ARL15: variants seen among roughly 807,000 people sequenced by gnomAD.
ARL15 encodes ARF like GTPase 15.
ARL15 carries 19 observed loss-of-function variants against 25.2 expected under a neutral mutation model. That is an observed-to-expected ratio of 0.75 (90% CI 0.53 to 1.10). The LOEUF is 1.10. Ranked by LOEUF, ARL15 falls within the 50% of genes least tolerant of loss-of-function variation. The pLI is 0.00. For synonymous variants in ARL15, 94 were observed against 86.8 expected (o/e 1.08, Z -0.46); for missense variants, 220 against 246.0 (o/e 0.89, Z 0.71).
intron 1 of ARL15, among the ~76,000 whole-genome samples, chr5:54,174,614 T>C (rs1754812469): frequency 6.6e-6 from 1 of 152,202 alleles, no homozygotes; most frequent in Non-Finnish European, 1.5e-5. Context: ...CTTCCTTTAG[T>C]TCCAGCACAC....
intron 4 of ARL15, among the ~76,000 whole-genome samples, chr5:54,047,138 G>A (rs948416449): frequency 6.6e-6 from 1 of 152,128 alleles, no homozygotes; most frequent in African/African-American, 2.4e-5. Context: ...TGCTGGTGGG[G>A]ACATGGGAAT....
At chr5:53,887,583 T>C (rs1328689797) in intron 4 of ARL15, among the ~76,000 whole-genome samples, 3 of 152,158 alleles carry the variant, frequency 2.0e-5, no homozygotes, top group Non-Finnish European at 2.9e-5. Context: ...AAAGGTATCA[T>C]AAAACACAAA....
At chr5:53,981,973 A>G (rs1400395782) in intron 4 of ARL15, among the ~76,000 whole-genome samples, 1 of 152,036 alleles carries the variant, frequency 6.6e-6, no homozygotes, top group Non-Finnish European at 1.5e-5. Flanking sequence ...CTTTTCGTAT[A>G]GGCAAGAGGA....
chr5:53,993,046 CA>C (rs111255688), intron 4 of ARL15, among the ~76,000 whole-genome samples: 18 of 138,166 alleles, frequency 1.3e-4, no homozygotes, highest in East Asian at 4.1e-4. Flanking sequence ...AACTCCTTCT[CA>C]AAAAAAAAAA....
In ARL15 at chr5:54,287,490, G is replaced by T. The variant is rs16882585; in HGVS notation, c.48+22942C>A. Among the ~76,000 whole-genome samples the T allele has an allele frequency of 7.8e-3, 1,173 of 150,584 alleles. 12 individuals are homozygous for T. Among genetic ancestry groups the T allele is most frequent in the African/African-American group, 0.027 (1,109 of 40,984 alleles). On this transcript the variant is annotated intron_variant, in intron 1 of 4. Coordinates refer to ENST00000504924, the MANE Select transcript of ARL15 (RefSeq NM_019087.3). ...AGTTCAAAGGAGCACAGAAGAAAAC[G>T]GCATTCCAGATAAAAGTGAAAGCAA...
At chr5:54,268,238 C>T (rs977625996) in intron 1 of ARL15, among the ~76,000 whole-genome samples, 1 of 152,126 alleles carries the variant, frequency 6.6e-6, no homozygotes, top group Non-Finnish European at 1.5e-5. Context: ...CACTGATACC[C>T]TTTCTTCCAG....
chr5:54,208,942 G>C (rs1329513650), intron 1 of ARL15, among the ~76,000 whole-genome samples: 1 of 152,158 alleles, frequency 6.6e-6, no homozygotes, highest in African/African-American at 2.4e-5. Flanking sequence ...AAATTATGAA[G>C]AGGAGATTTA....
intron 1 of ARL15, among the ~76,000 whole-genome samples, chr5:54,185,909 G>T (rs1177401387): frequency 2.6e-5 from 4 of 152,144 alleles, no homozygotes; most frequent in Non-Finnish European, 4.4e-5. Context: ...TTTGGTCAAA[G>T]ATCTGATATG....
chr5:53,986,792 G>A (rs1445240283), intron 4 of ARL15, among the ~76,000 whole-genome samples: 1 of 152,204 alleles, frequency 6.6e-6, no homozygotes, highest in Non-Finnish European at 1.5e-5. Flanking sequence ...AGCTACAATA[G>A]TGAAGAAGCC....
chr5:54,142,481 A>G (rs1753804004), intron 3 of ARL15, among the ~76,000 whole-genome samples: 1 of 152,170 alleles, frequency 6.6e-6, no homozygotes, highest in South Asian at 2.1e-4. Context: ...GTCAGAAAGA[A>G]CAACTCAGAA....
chr5:54,072,044 G>A (rs1359537668), intron 4 of ARL15, among the ~76,000 whole-genome samples: 1 of 149,966 alleles, frequency 6.7e-6, no homozygotes, highest in Non-Finnish European at 1.5e-5. Context: ...TAATAATAAT[G>A]AAATAGACAT....
chr5:54,263,562 C>G (rs113511498), intron 1 of ARL15, among the ~76,000 whole-genome samples: 16 of 152,104 alleles, frequency 1.1e-4, no homozygotes, highest in Non-Finnish European at 1.8e-4. Flanking sequence ...TATGGTTCCA[C>G]GAAGAAAGGA....
At chr5:53,906,097 C>T (rs1008683801) in intron 4 of ARL15, among the ~76,000 whole-genome samples, 2 of 152,148 alleles carry the variant, frequency 1.3e-5, no homozygotes, top group African/African-American at 4.8e-5. Context: ...ACACATGTAA[C>T]CTGCACACTT....
At chr5:54,002,749 A>T (rs1307309325) in intron 4 of ARL15, among the ~76,000 whole-genome samples, 1 of 152,214 alleles carries the variant, frequency 6.6e-6, no homozygotes, top group African/African-American at 2.4e-5. Flanking sequence ...ATATTTGCAA[A>T]TTTCTTCAAC....
chr5:54,141,025 A>C (rs1256700906), intron 3 of ARL15, among the ~76,000 whole-genome samples: 1 of 152,218 alleles, frequency 6.6e-6, no homozygotes, highest in Non-Finnish European at 1.5e-5. Flanking sequence ...AATTATTATA[A>C]ATATAACCAA....
intron 4 of ARL15, among the ~76,000 whole-genome samples, chr5:54,047,664 G>C (rs182847924): frequency 6.6e-6 from 1 of 152,284 alleles, no homozygotes; most frequent in Admixed American, 6.5e-5. Context: ...TGAAAGAACG[G>C]ATGGAAAGAC....
At chr5:54,169,887 T>C (rs535294060) in intron 2 of ARL15, among the ~76,000 whole-genome samples, 35 of 152,282 alleles carry the variant, frequency 2.3e-4, no homozygotes, top group African/African-American at 8.4e-4. Flanking sequence ...CTGGGGTCTC[T>C]ACTCATTACA....
chr5:53,986,014 C>A (rs1369900212), intron 4 of ARL15, among the ~76,000 whole-genome samples: 1 of 152,172 alleles, frequency 6.6e-6, no homozygotes, highest in East Asian at 1.9e-4. Flanking sequence ...TGAATCTGAT[C>A]ACCACTAATT....
At chr5:54,137,156 G>A (rs952778961) in intron 3 of ARL15, among the ~76,000 whole-genome samples, 1 of 151,826 alleles carries the variant, frequency 6.6e-6, no homozygotes, top group African/African-American at 2.4e-5. Flanking sequence ...ATGGTGCCAG[G>A]AACCAGCAAA....
Sources: gnomAD v4.1 joint callset for allele counts (sites outside exome capture counted in the v4.1 genomes callset) on GRCh38, gnomAD v4.1.1 for gene constraint, MANE v1.5 for transcripts, NCBI Gene and HGNC (gene_info 2026-07-23, HGNC 2026-07-21) for gene names.